Variants in PCDH11Y observed in about 807,000 individuals in gnomAD.
PCDH11Y encodes the protein protocadherin 11 Y-linked.
For synonymous variants in PCDH11Y, 9 were observed against 83.6 expected (o/e 0.11, Z 4.87); for missense variants, 12 against 224.8 (o/e 0.05, Z 6.05).
At chrY:5,495,404 A>G (rs2124687325) in intron 2 of PCDH11Y, among the ~76,000 whole-genome samples, 1 of 33,688 alleles carries the variant, frequency 3.0e-5, no homozygotes, top group East Asian at 7.7e-4. Context: ...TACCTATGGG[A>G]AAAAAAATGC....
chrY:5,540,749 G>A (rs1602940492), intron 3 of PCDH11Y, among the ~76,000 whole-genome samples: 294 of 33,353 alleles, frequency 8.8e-3, no homozygotes, highest in African/African-American at 0.038. Flanking sequence ...ATTGCTATTA[G>A]TACCAGTAAT....
intron 3 of PCDH11Y, among the ~76,000 whole-genome samples, chrY:5,547,754 T>C (rs2053414657): frequency 3.1e-5 from 1 of 32,390 alleles, no homozygotes; most frequent in Non-Finnish European, 7.7e-5. Flanking sequence ...TAGCTCACAG[T>C]ACCCTCCAAC....
chrY:5,371,073 G>A, intron 2 of PCDH11Y, among the ~76,000 whole-genome samples: 1 of 32,332 alleles, frequency 3.1e-5, no homozygotes, highest in Non-Finnish European at 7.6e-5. Context: ...TCCTGCCTAC[G>A]AGAAAGAATG....
At chrY:5,716,640 T>C in intron 4 of PCDH11Y, among the ~76,000 whole-genome samples, 1 of 33,252 alleles carries the variant, frequency 3.0e-5, no homozygotes, top group Non-Finnish European at 7.5e-5. Context: ...ATTAATATTT[T>C]TTAAATGTCC....
intron 2 of PCDH11Y, among the ~76,000 whole-genome samples, chrY:5,426,197 T>A: frequency 3.0e-5 from 1 of 33,219 alleles, no homozygotes; most frequent in Admixed American, 2.8e-4. Flanking sequence ...TAGTTACTAT[T>A]TTTGAGAGAA....
intron 3 of PCDH11Y, among the ~76,000 whole-genome samples, chrY:5,529,868 G>A (rs2053391201): frequency 6.2e-5 from 2 of 32,513 alleles, no homozygotes; most frequent in Admixed American, 2.8e-4. Context: ...AGTATAACAT[G>A]TACCTGATAA....
At chrY:5,070,876 G>A in intron 1 of PCDH11Y, among the ~76,000 whole-genome samples, 1 of 30,588 alleles carries the variant, frequency 3.3e-5, no homozygotes, top group African/African-American at 1.3e-4. Flanking sequence ...CCTAAAGTAG[G>A]CCCAATATCT....
chrY:5,533,191 A>G, intron 3 of PCDH11Y, among the ~76,000 whole-genome samples: 1 of 32,735 alleles, frequency 3.1e-5, no homozygotes, highest in Non-Finnish European at 7.5e-5. Context: ...ACTTTAATAT[A>G]TCTGTTGACC....
chrY:5,173,829 T>C, intron 2 of PCDH11Y, among the ~76,000 whole-genome samples: 1 of 27,436 alleles, frequency 3.6e-5, no homozygotes, highest in African/African-American at 1.4e-4. Flanking sequence ...CTCTACTCAA[T>C]AGGTAGTTTT....
intron 2 of PCDH11Y, among the ~76,000 whole-genome samples, chrY:5,436,097 T>C (rs2053275033): frequency 2.9e-5 from 1 of 34,149 alleles, no homozygotes; most frequent in Non-Finnish European, 7.3e-5. Context: ...AAATATTTTC[T>C]ATTTTTAAAG....
chrY:5,093,013 CA>C (rs2052743725), intron 1 of PCDH11Y, among the ~76,000 whole-genome samples: 5 of 31,182 alleles, frequency 1.6e-4, no homozygotes, highest in Non-Finnish European at 3.1e-4. Flanking sequence ...ATGCATGTGT[CA>C]AAAATGTTAA....
intron 4 of PCDH11Y, among the ~76,000 whole-genome samples, chrY:5,684,802 G>A: frequency 3.1e-5 from 1 of 32,015 alleles, no homozygotes; most frequent in Non-Finnish European, 7.7e-5. Flanking sequence ...TAGAGATAGA[G>A]AGTAAAAGGA....
intron 2 of PCDH11Y, among the ~76,000 whole-genome samples, chrY:5,410,887 A>G: frequency 6.0e-5 from 2 of 33,186 alleles, no homozygotes; most frequent in Non-Finnish European, 1.5e-4. Flanking sequence ...ATGGCTGCAT[A>G]GTATTCCATG....
At chrY:5,617,523 A>C (rs2124701781) in intron 4 of PCDH11Y, among the ~76,000 whole-genome samples, 1 of 32,120 alleles carries the variant, frequency 3.1e-5, no homozygotes, top group Non-Finnish European at 7.6e-5. Context: ...GTAACTTGCA[A>C]AGTTTCTATA....
intron 2 of PCDH11Y, among the ~76,000 whole-genome samples, chrY:5,441,279 C>T: frequency 3.1e-5 from 1 of 32,224 alleles, no homozygotes; most frequent in Non-Finnish European, 7.6e-5. Context: ...CTTGAAAGCC[C>T]TGGAACATTT....
At chrY:5,660,669 CTG>C (rs2053540449) in intron 4 of PCDH11Y, among the ~76,000 whole-genome samples, 1 of 32,919 alleles carries the variant, frequency 3.0e-5, no homozygotes, top group Admixed American at 2.8e-4. Context: ...CTATTTCAGA[CTG>C]TTTCTCCTAT....
chrY:5,423,830 T>G, intron 2 of PCDH11Y, among the ~76,000 whole-genome samples: 1 of 33,005 alleles, frequency 3.0e-5, no homozygotes, highest in Non-Finnish European at 7.5e-5. Flanking sequence ...TTTGGGGGTT[T>G]TGTTTGGAAA....
intron 4 of PCDH11Y, among the ~76,000 whole-genome samples, chrY:5,634,950 A>AT: frequency 3.2e-5 from 1 of 31,486 alleles, no homozygotes. Flanking sequence ...AGCAATGACA[A>AT]TTTTTTTCTG....
At chrY:5,391,239 G>A in intron 2 of PCDH11Y, among the ~76,000 whole-genome samples, 1 of 30,283 alleles carries the variant, frequency 3.3e-5, no homozygotes, top group Non-Finnish European at 7.9e-5. Flanking sequence ...TATTATTCAC[G>A]CTTTATTTAA....
Sources: gnomAD v4.1 joint callset for allele counts (sites outside exome capture counted in the v4.1 genomes callset) on GRCh38, gnomAD v4.1.1 for gene constraint, MANE v1.5 for transcripts, NCBI Gene and HGNC (gene_info 2026-07-23, HGNC 2026-07-21) for gene names.